Variants in NR3C2 observed in about 807,000 individuals in gnomAD.
The protein encoded by NR3C2 is mineralocorticoid receptor.
Under a neutral mutation model 86.4 loss-of-function variants are expected in NR3C2, and 15 were observed. The ratio of observed to expected loss-of-function variants is 0.17; its 90% CI spans 0.12 to 0.27. The LOEUF (loss-of-function observed/expected upper bound fraction) is 0.27, where lower values mean the gene tolerates loss of function less well. NR3C2 is among the 10% of genes least tolerant of loss of function. The pLI is 1.00. For missense variants in NR3C2, 960 were observed against 1,195.6 expected (o/e 0.80, Z 2.91); for synonymous variants, 458 against 450.5 (o/e 1.02, Z -0.21).
rs114353992 is a variant in NR3C2, at chr4:148,231,456, T to A, written c.1897+28522A>T. 2.9e-3 allele frequency among the ~76,000 whole-genome samples: 440 copies of A among 152,320 alleles called. 1 individual carries two copies. The highest frequency in any genetic ancestry group is 0.01 in the African/African-American group (428 of 41,576). ...TTCCCAGTGCATATTATGTTTACACTATTACTGAAGTCTATAAACTCTGCA... is the reference window on the plus strand; with the variant it reads ...TTCCCAGTGCATATTATGTTTACACAATTACTGAAGTCTATAAACTCTGCA... On this transcript the variant is annotated intron_variant, in intron 3 of 8. Transcript: ENST00000358102.
rs917260183 is a variant in NR3C2, at chr4:148,369,418, T to C, written c.1757+65686A>G. On this transcript the variant is annotated intron_variant, in intron 2 of 8. Coordinates refer to ENST00000358102, the MANE Select transcript of NR3C2 (RefSeq NM_000901.5). ...ATTTCCCCAACGTGCTTTATGATGATAGCATTTGCCCACAGAAATAAATGC... is the reference window on the plus strand; with the variant it reads ...ATTTCCCCAACGTGCTTTATGATGACAGCATTTGCCCACAGAAATAAATGC... Among the ~76,000 whole-genome samples, 3 of 152,354 alleles carry C rather than the reference T, an allele frequency of 2.0e-5. No individual in the cohort carries two copies. In the South Asian group the frequency reaches 6.2e-4, roughly 32 times the overall value.
intron 3 of NR3C2, among the ~76,000 whole-genome samples, chr4:148,227,543 G>A (rs1322544139): frequency 6.6e-6 from 1 of 152,026 alleles, no homozygotes; most frequent in Non-Finnish European, 1.5e-5. Flanking sequence ...TACTAATTTA[G>A]CATCCATTTA....
intron 8 of NR3C2, among the ~76,000 whole-genome samples, chr4:148,098,356 A>G (rs1209045849): frequency 3.3e-5 from 5 of 152,208 alleles, no homozygotes; most frequent in African/African-American, 1.2e-4. Context: ...TTTAACACAC[A>G]TATTTTCTCC....
intron 3 of NR3C2, among the ~76,000 whole-genome samples, chr4:148,242,206 T>A (rs777222870): frequency 6.6e-6 from 1 of 152,222 alleles, no homozygotes; most frequent in Admixed American, 6.5e-5. Flanking sequence ...ATAAATCTAA[T>A]GTGTATTTTA....
At chr4:148,140,085 A>AG (rs1036975666) in intron 6 of NR3C2, among the ~76,000 whole-genome samples, 1 of 152,190 alleles carries the variant, frequency 6.6e-6, no homozygotes, top group South Asian at 2.1e-4. Flanking sequence ...GCCTGTGTCA[A>AG]GGGGGGAGTC....
chr4:148,191,120 C>G (rs1401826569), intron 4 of NR3C2, among the ~76,000 whole-genome samples: 1 of 151,646 alleles, frequency 6.6e-6, no homozygotes, highest in African/African-American at 2.4e-5. Context: ...TGATGTATTT[C>G]CAGAATTTGT....
At chr4:148,436,999 T>C (rs1750114328) in intron 1 of NR3C2, 137 bp from the exon 2 acceptor site, 1 of 733,426 alleles carries the variant, frequency 1.4e-6, no homozygotes, top group African/African-American at 1.8e-5. Context: ...AATTTAAAAC[T>C]GTTACCTTTT....
intron 6 of NR3C2, among the ~76,000 whole-genome samples, chr4:148,123,485 C>G (rs1004994594): frequency 1.3e-5 from 2 of 152,194 alleles, no homozygotes; most frequent in African/African-American, 4.8e-5. Flanking sequence ...AGCATGTGAT[C>G]TTTGTACCTA....
intron 1 of NR3C2, among the ~76,000 whole-genome samples, 151 bp downstream of exon 1, chr4:148,442,009 T>C (rs1411444189): frequency 6.6e-6 from 1 of 152,118 alleles, no homozygotes; most frequent in African/African-American, 2.4e-5. Context: ...GGGAGAAAAG[T>C]GGAAAACCAA....
At chr4:148,201,543 A>C (rs1327332007) in intron 3 of NR3C2, among the ~76,000 whole-genome samples, 1 of 152,162 alleles carries the variant, frequency 6.6e-6, no homozygotes, top group East Asian at 1.9e-4. Context: ...ATCTCTCTTC[A>C]CAAGTACAGA....
chr4:148,332,857 GTGTGTA>G (rs1441872561), intron 2 of NR3C2, among the ~76,000 whole-genome samples: 1 of 152,134 alleles, frequency 6.6e-6, no homozygotes, highest in Non-Finnish European at 1.5e-5. Flanking sequence ...GTGTGTTAGA[GTGTGTA>G]TGTGTATGTG....
At position 148,210,751 on chromosome 4, in the gene NR3C2, C is replaced by G. The variant is rs1226708728; in HGVS notation, c.1898-15889G>C. 2.0e-5 allele frequency among the ~76,000 whole-genome samples: 3 copies of G among 152,130 alleles called. 1 individual carries two copies. Among genetic ancestry groups the G allele is most frequent in the Admixed American group, 6.5e-5 (1 of 15,268 alleles). On this transcript the variant is annotated intron_variant, in intron 3 of 8. Coordinates refer to ENST00000358102, the MANE Select transcript of NR3C2 (RefSeq NM_000901.5). ...AAGCAATCATAATAAGTTTCAAAAG[C>G]CTTTTCTATCCACAAGTACCAATAA...
At chr4:148,353,881 T>A (rs1013105206) in intron 2 of NR3C2, among the ~76,000 whole-genome samples, 2 of 152,190 alleles carry the variant, frequency 1.3e-5, no homozygotes, top group Non-Finnish European at 2.9e-5. Flanking sequence ...TTCCTAGTGA[T>A]GTCCATTGCA....
intron 2 of NR3C2, among the ~76,000 whole-genome samples, chr4:148,404,608 A>G (rs1434495932): frequency 6.6e-6 from 1 of 152,146 alleles, no homozygotes; most frequent in Non-Finnish European, 1.5e-5. Context: ...AGCACTTATG[A>G]TCTACCATCT....
chr4:148,354,227 C>A (rs1745440379), intron 2 of NR3C2, among the ~76,000 whole-genome samples: 1 of 152,034 alleles, frequency 6.6e-6, no homozygotes, highest in Non-Finnish European at 1.5e-5. Context: ...AAGTATATTT[C>A]CTCTTCCTTA....
At chr4:148,200,948 A>C (rs1248725645) in intron 3 of NR3C2, 1 of 152,178 alleles carries the variant, frequency 6.6e-6, no homozygotes, top group African/African-American at 2.4e-5. Context: ...AAAAACTCTT[A>C]CACAGACATC....
chr4:148,199,393 G>A (rs955430289), intron 3 of NR3C2, among the ~76,000 whole-genome samples: 2 of 152,144 alleles, frequency 1.3e-5, no homozygotes, highest in African/African-American at 4.8e-5. Flanking sequence ...CTAGACTAGG[G>A]CCCAAGACTA....
chr4:148,300,023 T>C (rs1742259072), intron 2 of NR3C2, among the ~76,000 whole-genome samples: 1 of 152,214 alleles, frequency 6.6e-6, no homozygotes, highest in Non-Finnish European at 1.5e-5. Flanking sequence ...TTTTACTGTA[T>C]GGTTCTGTCA....
intron 3 of NR3C2, among the ~76,000 whole-genome samples, chr4:148,204,338 T>C (rs556777579): frequency 6.6e-6 from 1 of 152,284 alleles, no homozygotes; most frequent in East Asian, 1.9e-4. Context: ...ATAGCTGCAC[T>C]TCACTATGCA....
Sources: gnomAD v4.1 joint callset for allele counts (sites outside exome capture counted in the v4.1 genomes callset) on GRCh38, gnomAD v4.1.1 for gene constraint, MANE v1.5 for transcripts, NCBI Gene and HGNC (gene_info 2026-07-23, HGNC 2026-07-21) for gene names.